Variants in EPB41L2 observed in about 807,000 individuals in gnomAD.
EPB41L2 encodes erythrocyte membrane protein band 4.1 like 2.
A neutral mutation model predicts 113.0 loss-of-function variants in EPB41L2; 43 were observed. The observed-to-expected ratio is 0.38, with a 90% confidence interval of 0.30 to 0.49. EPB41L2 has a LOEUF of 0.49. EPB41L2 is among the 20% of genes least tolerant of loss of function. The pLI, the probability that EPB41L2 is intolerant of heterozygous loss-of-function variation, is 0.95. For missense variants in EPB41L2, 1,147 were observed against 1,223.4 expected (o/e 0.94, Z 0.93); for synonymous variants, 442 against 436.7 (o/e 1.01, Z -0.15).
chr6:130,917,449 T>TC (rs1801476380), intron 4 of EPB41L2, among the ~76,000 whole-genome samples: 1 of 152,138 alleles, frequency 6.6e-6, no homozygotes, highest in Non-Finnish European at 1.5e-5. Context: ...GGGTTCCTCA[T>TC]CCTCCACCAT....
At chr6:130,961,441 C>CT (rs971349311) in intron 1 of EPB41L2, among the ~76,000 whole-genome samples, 2 of 152,060 alleles carry the variant, frequency 1.3e-5, no homozygotes, top group Non-Finnish European at 1.5e-5. Context: ...TAAACCCATT[C>CT]TTTTTTTTCC....
At chr6:130,858,321 G>T in intron 18 of EPB41L2, 78 bp from the exon 19 acceptor site, 2 of 1,117,500 alleles carry the variant, frequency 1.8e-6, no homozygotes, top group Non-Finnish European at 2.6e-6. Flanking sequence ...CACACACACT[G>T]ATCACCTCGG....
intron 1 of EPB41L2, among the ~76,000 whole-genome samples, chr6:131,018,380 A>T (rs1018598943): frequency 2.0e-5 from 3 of 152,096 alleles, no homozygotes; most frequent in Non-Finnish European, 4.4e-5. Flanking sequence ...ACATCAGATG[A>T]GACAGCTATT....
intron 19 of EPB41L2, among the ~76,000 whole-genome samples, chr6:130,845,058 A>G (rs1339886715): frequency 1.3e-5 from 2 of 152,234 alleles, no homozygotes; most frequent in African/African-American, 4.8e-5. Flanking sequence ...AAATAAATAA[A>G]TAAAATAAAA....
At position 130,894,394 on chromosome 6, in the gene EPB41L2, C is replaced by T; in HGVS notation, c.1437G>A (p.Arg479=). The change falls in exon 10 of 20, where the codon CGG becomes CGA. Residue 479 remains arginine (R), a synonymous_variant. Coordinates refer to ENST00000337057, the MANE Select transcript of EPB41L2 (RefSeq NM_001431.4). ...ACACTTTCCATAGTCTTTTCGCTGC[C>T]CGGTGGTTTGGCAGTTTGAATCCAA... is the stretch of plus-strand genomic sequence containing the variant. ...STIGFKLPNH[R]AAKRLWKVCV... 1 of 1,613,850 alleles carries T rather than the reference C, an allele frequency of 6.2e-7. No individual in the cohort carries two copies. The highest frequency in any genetic ancestry group is 8.5e-7 in the Non-Finnish European group (1 of 1,179,886).
intron 12 of EPB41L2, 31 bp downstream of exon 12, chr6:130,885,065 T>C: frequency 1.9e-6 from 3 of 1,611,346 alleles, no homozygotes; most frequent in South Asian, 1.1e-5. Flanking sequence ...AGTAAATGTT[T>C]AAAACCACAT....
intron 1 of EPB41L2, chr6:131,000,650 C>CATAG (rs1784151624): frequency 6.6e-6 from 1 of 152,178 alleles, no homozygotes; most frequent in African/African-American, 2.4e-5. Flanking sequence ...CTGGGTAAAC[C>CATAG]ATAGATCTCC....
At chr6:130,875,516 C>A (rs1243761629) in intron 14 of EPB41L2, among the ~76,000 whole-genome samples, 2 of 152,118 alleles carry the variant, frequency 1.3e-5, no homozygotes, top group Non-Finnish European at 2.9e-5. Flanking sequence ...TGTTGTGGCT[C>A]GTCCTTACAC....
At chr6:130,854,318 C>T (rs540351602) in intron 19 of EPB41L2, among the ~76,000 whole-genome samples, 1 of 122,794 alleles carries the variant, frequency 8.1e-6, no homozygotes, top group East Asian at 2.2e-4. Flanking sequence ...CATTTAGGCA[C>T]TCATTAAATA....
intron 1 of EPB41L2, among the ~76,000 whole-genome samples, chr6:131,041,317 T>A (rs375846554): frequency 6.6e-6 from 1 of 152,162 alleles, no homozygotes. Flanking sequence ...AAGGAAATAA[T>A]GTATCTAGGC....
intron 4 of EPB41L2, among the ~76,000 whole-genome samples, chr6:130,917,953 A>G (rs1801655680): frequency 6.6e-6 from 1 of 152,218 alleles, no homozygotes; most frequent in South Asian, 2.1e-4. Context: ...AAATGTTAAA[A>G]GTAGTTTTGT....
chr6:130,876,696 T>G, intron 14 of EPB41L2: 1 of 1,304,164 alleles, frequency 7.7e-7, no homozygotes, highest in Non-Finnish European at 1.0e-6. Context: ...CTGAGCTTTT[T>G]CTTCAACTGT....
intron 1 of EPB41L2, among the ~76,000 whole-genome samples, chr6:130,986,229 TAGACACAGAAAAAGCATTTGACA>T (rs1324020238): frequency 2.0e-5 from 3 of 152,066 alleles, no homozygotes; most frequent in Admixed American, 2.0e-4. Flanking sequence ...ATCACCTCAA[TAGACACAGAAAAAGCATTTGACA>T]AAAGCCAGCA....
At chr6:130,965,295 T>G (rs1033062864) in intron 1 of EPB41L2, among the ~76,000 whole-genome samples, 1 of 152,178 alleles carries the variant, frequency 6.6e-6, no homozygotes, top group Non-Finnish European at 1.5e-5. Flanking sequence ...TCTTGGTAAT[T>G]TAGATTTAAA....
chr6:130,937,409 A>G (rs771500514), intron 3 of EPB41L2, among the ~76,000 whole-genome samples: 5 of 152,220 alleles, frequency 3.3e-5, no homozygotes, highest in Non-Finnish European at 7.3e-5. Context: ...TCAGTTTTCA[A>G]TCTGGCCAGG....
chr6:131,055,301 G>A (rs965179363), intron 1 of EPB41L2, among the ~76,000 whole-genome samples: 21 of 152,124 alleles, frequency 1.4e-4, no homozygotes, highest in African/African-American at 3.4e-4. Context: ...ACTAAAGGTC[G>A]GGGGAGAGCC....
intron 14 of EPB41L2, chr6:130,872,673 T>C: frequency 5.6e-6 from 3 of 534,000 alleles, no homozygotes; most frequent in Non-Finnish European, 8.2e-6. Context: ...AGATGAGAAT[T>C]CTGACAGATT....
chr6:130,976,364 T>C (rs927028012), intron 1 of EPB41L2, among the ~76,000 whole-genome samples: 3 of 152,196 alleles, frequency 2.0e-5, no homozygotes, highest in African/African-American at 7.2e-5. Context: ...ACCAGAATAA[T>C]GTATACAACT....
chr6:130,846,699 G>A (rs1304364457), intron 19 of EPB41L2, among the ~76,000 whole-genome samples: 1 of 152,122 alleles, frequency 6.6e-6, no homozygotes, highest in Non-Finnish European at 1.5e-5. Flanking sequence ...CCCATCTTCA[G>A]GCCTTTTGGG....
Sources: gnomAD v4.1 joint callset for allele counts (sites outside exome capture counted in the v4.1 genomes callset) on GRCh38, gnomAD v4.1.1 for gene constraint, MANE v1.5 for transcripts, NCBI Gene and HGNC (gene_info 2026-07-23, HGNC 2026-07-21) for gene names.